Variants in TTC39B observed in about 807,000 individuals in gnomAD.
The protein encoded by TTC39B is tetratricopeptide repeat domain 39B.
In TTC39B, 92 loss-of-function variants were observed where a neutral mutation model predicts 96.6. The ratio of observed to expected loss-of-function variants is 0.95; its 90% CI spans 0.80 to 1.13. TTC39B has a LOEUF of 1.13. Ranked by LOEUF, TTC39B falls within the 50% of genes most tolerant of loss-of-function variation. TTC39B has a pLI of 0.00. For synonymous variants in TTC39B, 367 were observed against 299.4 expected (o/e 1.23, Z -2.33); for missense variants, 955 against 809.3 (o/e 1.18, Z -2.18).
chr9:15,254,828 TACACACACAC>T (rs35980691), intron 2 of TTC39B, among the ~76,000 whole-genome samples: 11,614 of 143,786 alleles, frequency 0.081, 616 homozygotes, highest in African/African-American at 0.15. Context: ...CATAACTTTA[TACACACACAC>T]ACACACACAC....
At chr9:15,251,751 G>T (rs1309919188) in intron 2 of TTC39B, among the ~76,000 whole-genome samples, 1 of 127,144 alleles carries the variant, frequency 7.9e-6, no homozygotes, top group Non-Finnish European at 1.7e-5. Context: ...TATATATGGA[G>T]GGGACAAGAC....
chr9:15,189,926 T>A (rs1036381121), intron 11 of TTC39B, 134 bp from the exon 12 acceptor site: 4 of 654,412 alleles, frequency 6.1e-6, no homozygotes, highest in Middle Eastern at 4.1e-4. Flanking sequence ...ATCATTTTTA[T>A]ATCTGGGGAA....
chr9:15,187,957 G>C lies in TTC39B; in HGVS notation c.1395+14C>G, dbSNP rs749816683. The C allele has an allele frequency of 3.9e-6, 6 of 1,558,174 alleles. No homozygotes were observed. In the South Asian group the frequency reaches 7.4e-5, roughly 19 times the overall value. ...TAGCAAACAGATGACATTAATGAAA[G>C]TATTGCACTTTACCTTGGACCATTT... On this transcript the variant is annotated intron_variant, in intron 14 of 19. Transcript: ENST00000512701.
intron 2 of TTC39B, 82 bp from the exon 3 acceptor site, chr9:15,226,094 A>G: frequency 8.7e-7 from 1 of 1,144,074 alleles, no homozygotes; most frequent in Admixed American, 2.2e-5. Context: ...TACACAACAT[A>G]AGTCTTCCAA....
intron 19 of TTC39B, 56 bp from the exon 20 acceptor site, chr9:15,172,165 C>T: frequency 8.5e-7 from 1 of 1,175,092 alleles, no homozygotes; most frequent in Non-Finnish European, 1.3e-6. Context: ...TACCAGGTAC[C>T]ACCACTCTCC....
chr9:15,187,980 T>G lies in TTC39B; in HGVS notation c.1386A>C (p.Lys462Asn). ...AAGTATTGCACTTTACCTTGGACCA[T>G]TTACTCTCTTTGCAAAGCAGATCTG... The change falls in exon 14 of 20, where the codon AAA becomes AAC. Residue 462 changes from lysine (K) to asparagine (N), a missense_variant. Transcript: ENST00000512701. 6.3e-7 allele frequency: 1 copy of G among 1,591,378 alleles called. No homozygotes were observed.
At chr9:15,297,124 T>C (rs887841677) in intron 1 of TTC39B, among the ~76,000 whole-genome samples, 6 of 152,206 alleles carry the variant, frequency 3.9e-5, no homozygotes, top group Non-Finnish European at 8.8e-5. Flanking sequence ...GGGCATATAC[T>C]GTGCTCCAAC....
At chr9:15,216,374 T>C (rs1007577722) in intron 3 of TTC39B, among the ~76,000 whole-genome samples, 1 of 152,210 alleles carries the variant, frequency 6.6e-6, no homozygotes, top group Non-Finnish European at 1.5e-5. Context: ...GACTTCTTCA[T>C]GCCTAGAGTT....
At chr9:15,189,488 T>C (rs1487603942) in intron 13 of TTC39B, 86 bp downstream of exon 13, 4 of 1,449,470 alleles carry the variant, frequency 2.8e-6, no homozygotes, top group Non-Finnish European at 3.8e-6. Flanking sequence ...CCAAGTTTAC[T>C]TTTGTTGAAT....
rs1347547272 is a variant in TTC39B, at chr9:15,280,003, C to T, written c.241-12055G>A. On this transcript the variant is annotated intron_variant, in intron 1 of 19. Coordinates refer to ENST00000512701, the Ensembl canonical transcript of TTC39B. Reference sequence around the variant, plus strand: ...CTCCACCCCCCGGGTTCAAGCGATTCTCCTGCCTCAGCCTCCCAAGTAGCT... The same window carrying T: ...CTCCACCCCCCGGGTTCAAGCGATTTTCCTGCCTCAGCCTCCCAAGTAGCT... Among the ~76,000 whole-genome samples the T allele has an allele frequency of 2.0e-5, 3 of 146,380 alleles. No individual in the cohort carries two copies. The Admixed American group carries it at 2.1e-4, about 10-fold the overall frequency.
intron 17 of TTC39B, among the ~76,000 whole-genome samples, chr9:15,180,147 G>A (rs1225775485): frequency 6.6e-6 from 1 of 152,176 alleles, no homozygotes; most frequent in African/African-American, 2.4e-5. Flanking sequence ...TGGTGGATAG[G>A]CTGAGAAACA....
intron 6 of TTC39B, among the ~76,000 whole-genome samples, chr9:15,207,589 T>A (rs1401333945): frequency 6.6e-6 from 1 of 152,162 alleles, no homozygotes; most frequent in Non-Finnish European, 1.5e-5. Flanking sequence ...CATTTGTTTA[T>A]AACTCTGATC....
intron 1 of TTC39B, among the ~76,000 whole-genome samples, chr9:15,288,060 C>T (rs1023043850): frequency 6.6e-6 from 1 of 151,932 alleles, no homozygotes; most frequent in Non-Finnish European, 1.5e-5. Context: ...GAACCCGACA[C>T]CTTAATAAAG....
At chr9:15,293,617 C>T (rs959363721) in intron 1 of TTC39B, among the ~76,000 whole-genome samples, 1 of 152,214 alleles carries the variant, frequency 6.6e-6, no homozygotes, top group African/African-American at 2.4e-5. Flanking sequence ...AACAGGCCAC[C>T]TGTACCCCAG....
chr9:15,297,566 G>C (rs1420725496), intron 1 of TTC39B, among the ~76,000 whole-genome samples: 2 of 152,234 alleles, frequency 1.3e-5, no homozygotes, highest in East Asian at 3.9e-4. Flanking sequence ...GGTTACAGCT[G>C]TCTGTGTCCA....
chr9:15,227,869 C>A (rs950126093), intron 2 of TTC39B, among the ~76,000 whole-genome samples: 2 of 152,172 alleles, frequency 1.3e-5, no homozygotes, highest in Admixed American at 6.5e-5. Flanking sequence ...AACTATCACC[C>A]TTTTCTTTAA....
Position 15,190,747 on chromosome 9 carries a change from G to A in TTC39B, c.997-85C>T. ...CTTTTTAAACATTTTTATATATTAGGGGGGTTACAAGTACAGATTTCATAT... is the reference window on the plus strand; with the variant it reads ...CTTTTTAAACATTTTTATATATTAGAGGGGTTACAAGTACAGATTTCATAT... On this transcript the variant is annotated intron_variant, in intron 10 of 19. Transcript: ENST00000512701. The A allele has an allele frequency of 2.7e-6, 3 of 1,097,610 alleles. No individual in the cohort carries two copies. In the South Asian group the frequency reaches 4.1e-5, roughly 15 times the overall value. The allele number at this position is 1,097,610 out of a possible 1,614,324, so 68.0% of individuals were successfully genotyped here.
intron 7 of TTC39B, among the ~76,000 whole-genome samples, chr9:15,203,040 G>A (rs1444886758): frequency 6.6e-6 from 1 of 152,118 alleles, no homozygotes; most frequent in East Asian, 1.9e-4. Context: ...AATATAGAAA[G>A]AAGGGGAAAA....
chr9:15,234,358 G>C (rs892379576), intron 2 of TTC39B, among the ~76,000 whole-genome samples: 2 of 147,006 alleles, frequency 1.4e-5, no homozygotes, highest in Non-Finnish European at 3.0e-5. Flanking sequence ...CAGGGAGGTG[G>C]GGGGGTCAGC....
Sources: allele counts gnomAD v4.1 joint callset (sites outside exome capture counted in the v4.1 genomes callset), GRCh38; gene constraint gnomAD v4.1.1; transcripts MANE v1.5; gene names NCBI Gene and HGNC (gene_info 2026-07-23, HGNC 2026-07-21).